The following GRIK2 variants were observed in gnomAD, a reference collection of about 807,000 sequenced individuals.
GRIK2 encodes glutamate receptor ionotropic, kainate 2.
In GRIK2, 32 loss-of-function variants were observed where a neutral mutation model predicts 100.3. The observed-to-expected ratio is 0.32, with a 90% confidence interval of 0.24 to 0.43. The LOEUF (loss-of-function observed/expected upper bound fraction) is 0.43. GRIK2 is among the 20% of genes least tolerant of loss of function. The probability of loss-of-function intolerance (pLI) is 1.00; values close to 1 mark genes in which losing one functional copy is unlikely to be tolerated. For missense variants in GRIK2, 843 were observed against 1,114.9 expected (o/e 0.76, Z 3.47); for synonymous variants, 417 against 389.4 (o/e 1.07, Z -0.83).
At chr6:101,814,021 G>T (rs1365770420) in intron 9 of GRIK2, among the ~76,000 whole-genome samples, 2 of 151,826 alleles carry the variant, frequency 1.3e-5, no homozygotes, top group African/African-American at 4.8e-5. Context: ...AGCAGAATGG[G>T]ACAAAGCATA....
At chr6:101,534,285 A>G (rs1775583612) in intron 2 of GRIK2, among the ~76,000 whole-genome samples, 1 of 151,930 alleles carries the variant, frequency 6.6e-6, no homozygotes, top group African/African-American at 2.4e-5. Flanking sequence ...GTATTAAAAA[A>G]CAGTATTCAA....
intron 2 of GRIK2, among the ~76,000 whole-genome samples, chr6:101,505,124 T>G (rs1308856439): frequency 6.6e-6 from 1 of 152,076 alleles, no homozygotes; most frequent in African/African-American, 2.4e-5. Context: ...TAGTATTTGG[T>G]CAATTTGATA....
At chr6:101,513,273 A>G (rs1324686679) in intron 2 of GRIK2, among the ~76,000 whole-genome samples, 6 of 152,146 alleles carry the variant, frequency 3.9e-5, no homozygotes, top group African/African-American at 1.4e-4. Context: ...CTGTTTGACA[A>G]TTGGTTGAGT....
intron 2 of GRIK2, among the ~76,000 whole-genome samples, chr6:101,488,069 T>TA (rs1772919541): frequency 1.4e-5 from 2 of 146,560 alleles, no homozygotes; most frequent in South Asian, 2.1e-4. Context: ...AAATTGAATA[T>TA]AAAAAAGCTC....
At chr6:101,490,404 C>T (rs1404117094) in intron 2 of GRIK2, among the ~76,000 whole-genome samples, 1 of 146,422 alleles carries the variant, frequency 6.8e-6, no homozygotes, top group Non-Finnish European at 1.5e-5. Context: ...GTTTGCCTAC[C>T]CTGTGCTCTT....
At chr6:101,405,137 G>T (rs546903730) in intron 2 of GRIK2, among the ~76,000 whole-genome samples, 2 of 152,254 alleles carry the variant, frequency 1.3e-5, no homozygotes, top group East Asian at 3.9e-4. Flanking sequence ...CCCTTAACAA[G>T]TTTAATTGAA....
At chr6:101,597,393 TA>T (rs1778974731) in intron 2 of GRIK2, among the ~76,000 whole-genome samples, 1 of 151,778 alleles carries the variant, frequency 6.6e-6, no homozygotes, top group Admixed American at 6.6e-5. Context: ...ACATAATTTT[TA>T]AAGTATCTAT....
At chr6:101,919,190 T>A (rs1386955678) in intron 12 of GRIK2, among the ~76,000 whole-genome samples, 1 of 151,404 alleles carries the variant, frequency 6.6e-6, no homozygotes, top group Non-Finnish European at 1.5e-5. Context: ...ACAAGGGGAG[T>A]TTCATGATGC....
chr6:101,401,422 G>A (rs1165928534), intron 2 of GRIK2, among the ~76,000 whole-genome samples: 1 of 151,906 alleles, frequency 6.6e-6, no homozygotes, highest in Non-Finnish European at 1.5e-5. Flanking sequence ...ACACAAACAA[G>A]CTTTCTTAGA....
At chr6:101,444,810 G>A (rs1345058166) in intron 2 of GRIK2, among the ~76,000 whole-genome samples, 2 of 151,948 alleles carry the variant, frequency 1.3e-5, no homozygotes, top group Non-Finnish European at 2.9e-5. Context: ...CTCCCCCTTA[G>A]ATAAAAGCTT....
chr6:101,954,208 A>G (rs1015563151), intron 14 of GRIK2, among the ~76,000 whole-genome samples: 2 of 152,132 alleles, frequency 1.3e-5, no homozygotes, highest in African/African-American at 4.8e-5. Context: ...GATTGTTTTG[A>G]CTATGTCAGG....
At chr6:101,649,651 C>A (rs1249301876) in intron 4 of GRIK2, among the ~76,000 whole-genome samples, 1 of 152,014 alleles carries the variant, frequency 6.6e-6, no homozygotes, top group Non-Finnish European at 1.5e-5. Flanking sequence ...CTCTGGATAC[C>A]CTCCTTATAA....
At chr6:101,432,726 A>G (rs1217422381) in intron 2 of GRIK2, among the ~76,000 whole-genome samples, 1 of 152,128 alleles carries the variant, frequency 6.6e-6, no homozygotes, top group East Asian at 1.9e-4. Context: ...AGATAATGAT[A>G]ATATTGTTTC....
intron 7 of GRIK2, among the ~76,000 whole-genome samples, chr6:101,729,440 G>T (rs1374419548): frequency 6.6e-6 from 1 of 151,806 alleles, no homozygotes; most frequent in Non-Finnish European, 1.5e-5. Context: ...TTGGCTAATT[G>T]TTCCATGGAG....
chr6:101,967,354 G>C (rs569083070), intron 14 of GRIK2, among the ~76,000 whole-genome samples: 1 of 152,034 alleles, frequency 6.6e-6, no homozygotes, highest in East Asian at 1.9e-4. Flanking sequence ...TGCCTTTGGG[G>C]AATTTTTTAG....
chr6:101,804,758 A>T (rs1454669675), intron 9 of GRIK2, among the ~76,000 whole-genome samples: 1 of 151,986 alleles, frequency 6.6e-6, no homozygotes, highest in African/African-American at 2.4e-5. Flanking sequence ...AAGGGAGCAA[A>T]AAGTTCACAT....
At chr6:101,595,582 G>GTA (rs1409699276) in intron 2 of GRIK2, among the ~76,000 whole-genome samples, 5 of 151,022 alleles carry the variant, frequency 3.3e-5, no homozygotes, top group Admixed American at 2.0e-4. Context: ...TTTTATATGT[G>GTA]TATATATATA....
chr6:101,996,972 G>T (rs1417183681), intron 14 of GRIK2, among the ~76,000 whole-genome samples: 1 of 152,038 alleles, frequency 6.6e-6, no homozygotes, highest in East Asian at 1.9e-4. Flanking sequence ...GTTCACATTT[G>T]AGCTGCTGAT....
At chr6:101,790,754 A>G (rs1230201372) in intron 7 of GRIK2, among the ~76,000 whole-genome samples, 10 of 150,770 alleles carry the variant, frequency 6.6e-5, no homozygotes, top group South Asian at 2.1e-4. Context: ...CTCTTTTTCT[A>G]TTGATTGGAA....
Sources: gnomAD v4.1 joint callset for allele counts (sites outside exome capture counted in the v4.1 genomes callset) on GRCh38, gnomAD v4.1.1 for gene constraint, MANE v1.5 for transcripts, NCBI Gene and HGNC (gene_info 2026-07-23, HGNC 2026-07-21) for gene names.